The following EPRS1 variants were observed in gnomAD, a reference collection of about 807,000 sequenced individuals.
EPRS1 encodes the protein glutamyl-prolyl-tRNA synthetase 1, also known as bifunctional glutamate/proline--tRNA ligase.
A neutral mutation model predicts 188.3 loss-of-function variants in EPRS1; 107 were observed. The observed-to-expected ratio is 0.57, with a 90% CI of 0.49 to 0.67. The LOEUF (loss-of-function observed/expected upper bound fraction) is 0.67. Ranked by LOEUF, EPRS1 falls within the 30% of genes least tolerant of loss-of-function variation. The pLI is 0.00. For missense variants in EPRS1, 1,577 were observed against 1,802.2 expected, an observed-to-expected ratio of 0.88 and a Z score of 2.26; for synonymous variants, 596 against 593.1, an observed-to-expected ratio of 1.00 and a Z score of -0.07.
chr1:220,010,039 T>G (rs1013682772), intron 13 of EPRS1, among the ~76,000 whole-genome samples: 11 of 135,714 alleles, frequency 8.1e-5, no homozygotes, highest in African/African-American at 3.1e-4. Context: ...GAAGTTGCAG[T>G]GAGCCAGAAT....
chr1:219,992,908 G>A (rs1661151853), intron 18 of EPRS1, among the ~76,000 whole-genome samples: 1 of 152,184 alleles, frequency 6.6e-6, no homozygotes, highest in East Asian at 1.9e-4. Flanking sequence ...GACAGAGCAA[G>A]ACTCCGTCTC....
intron 12 of EPRS1, among the ~76,000 whole-genome samples, chr1:220,012,154 C>G (rs1661617669): frequency 1.3e-5 from 2 of 152,072 alleles, no homozygotes; most frequent in African/African-American, 4.8e-5. Flanking sequence ...ATCTGCTAAT[C>G]CTCATCTGCT....
intron 18 of EPRS1, among the ~76,000 whole-genome samples, chr1:219,994,640 CTTTTTTTTTTTTTTTTTT>C (rs71169424): frequency 9.1e-6 from 1 of 109,500 alleles, no homozygotes; most frequent in African/African-American, 3.6e-5. Flanking sequence ...GTAACTTCTT[CTTTTTTTTTTTTTTTTTT>C]TTTTTTTTTT....
intron 13 of EPRS1, among the ~76,000 whole-genome samples, chr1:220,007,866 T>A (rs1661522130): frequency 1.3e-5 from 2 of 152,156 alleles, no homozygotes; most frequent in African/African-American, 4.8e-5. Flanking sequence ...ACGCCTGTAA[T>A]CCCAGCTGAG....
chr1:220,013,346 C>T (rs1403647033), intron 12 of EPRS1, among the ~76,000 whole-genome samples: 2 of 152,152 alleles, frequency 1.3e-5, no homozygotes, highest in Non-Finnish European at 2.9e-5. Flanking sequence ...ACAAGGATCA[C>T]GGTATTGTCG....
intron 20 of EPRS1, among the ~76,000 whole-genome samples, chr1:219,985,449 C>A (rs1016877340): frequency 1.3e-5 from 2 of 152,038 alleles, no homozygotes; most frequent in Non-Finnish European, 2.9e-5. Flanking sequence ...CTGGAGTGCA[C>A]TGGTGCAATC....
Position 220,031,709 on chromosome 1 carries a change from T to C in EPRS1, c.528+678A>G, listed in dbSNP as rs542094606. On this transcript the variant is annotated intron_variant, in intron 5 of 31. Transcript: ENST00000366923. Reference sequence around the variant, plus strand: ...TGGTAGAGAAAAGGAGCTTTTGTACTGTACACTATGTCACATTTTCCTACA... The same window carrying C: ...TGGTAGAGAAAAGGAGCTTTTGTACCGTACACTATGTCACATTTTCCTACA... 8.8e-4 allele frequency among the ~76,000 whole-genome samples: 134 copies of C among 152,336 alleles called. 1 individual carries two copies. The highest frequency in any genetic ancestry group is 3.1e-3 in the African/African-American group (127 of 41,582).
Position 220,007,285 on chromosome 1 carries a change from T to C in EPRS1, c.1659A>G (p.Glu553=). The C allele has an allele frequency of 1.2e-6, 2 of 1,613,918 alleles. No homozygotes were observed. Among genetic ancestry groups the C allele is most frequent in the Non-Finnish European group, 1.7e-6 (2 of 1,179,812 alleles). ...PVWYSPKVFI[E]GADAETFSEG... ...CCGAAAAAGTCTCTGCATCAGCACCTTCAATGAAAACTTTGGGACTATACC... is the reference window on the plus strand; with the variant it reads ...CCGAAAAAGTCTCTGCATCAGCACCCTCAATGAAAACTTTGGGACTATACC... Residue 553 remains glutamate, a synonymous_variant, in exon 14 of 32, where the codon GAA becomes GAG. Coordinates refer to ENST00000366923, the MANE Select transcript of EPRS1 (RefSeq NM_004446.3).
chr1:219,977,136 CTAAAA>C (rs1026742887), intron 28 of EPRS1, among the ~76,000 whole-genome samples: 18 of 152,074 alleles, frequency 1.2e-4, no homozygotes, highest in Non-Finnish European at 1.6e-4. Flanking sequence ...TCCAGATCTC[CTAAAA>C]TATTTTTTCT....
chr1:220,046,036 G>T (rs1429793379), intron 1 of EPRS1, among the ~76,000 whole-genome samples: 2 of 152,200 alleles, frequency 1.3e-5, no homozygotes, highest in Admixed American at 6.5e-5. Context: ...AAAGGGAGAG[G>T]TGAGTTGACT....
intron 14 of EPRS1, 109 bp downstream of exon 14, chr1:220,007,093 T>C: frequency 2.2e-6 from 2 of 923,732 alleles, no homozygotes; most frequent in Non-Finnish European, 3.1e-6. Flanking sequence ...CTGGGCAGAT[T>C]TACTAGTCAG....
chr1:220,045,764 C>T (rs773052407), intron 1 of EPRS1, among the ~76,000 whole-genome samples: 1 of 152,166 alleles, frequency 6.6e-6, no homozygotes, highest in Non-Finnish European at 1.5e-5. Flanking sequence ...AATTACCCTA[C>T]CACATTTAAT....
At chr1:220,031,108 T>C (rs1033986811) in intron 5 of EPRS1, among the ~76,000 whole-genome samples, 1 of 139,952 alleles carries the variant, frequency 7.1e-6, no homozygotes, top group Non-Finnish European at 1.5e-5. Context: ...AAAAAAAAAG[T>C]ATATGGGGTA....
At chr1:220,024,114 T>G (rs1212232881) in intron 8 of EPRS1, 150 bp downstream of exon 8, 2 of 556,820 alleles carry the variant, frequency 3.6e-6, no homozygotes, top group Non-Finnish European at 6.1e-6. Context: ...ATCGCGCCAT[T>G]GTACTCCAGC....
chr1:220,032,743 A>G (rs534906973), intron 4 of EPRS1, among the ~76,000 whole-genome samples: 1 of 152,272 alleles, frequency 6.6e-6, no homozygotes, highest in Admixed American at 6.5e-5. Context: ...ACTGAAGACG[A>G]AAAATATGCA....
chr1:220,038,849 C>T (rs1242718425), intron 2 of EPRS1, among the ~76,000 whole-genome samples: 2 of 152,076 alleles, frequency 1.3e-5, no homozygotes, highest in Non-Finnish European at 2.9e-5. Flanking sequence ...TCTTATTACA[C>T]GTGTAAAGTC....
intron 17 of EPRS1, among the ~76,000 whole-genome samples, chr1:219,999,784 G>A (rs958359376): frequency 4.0e-4 from 61 of 152,212 alleles, no homozygotes; most frequent in Middle Eastern, 3.4e-3. Flanking sequence ...GACCAGTCTG[G>A]CCAACATGGC....
chr1:219,999,234 T>C (rs147553043), intron 17 of EPRS1, among the ~76,000 whole-genome samples: 36 of 152,300 alleles, frequency 2.4e-4, no homozygotes, highest in African/African-American at 7.5e-4. Context: ...AGCATTATTA[T>C]CCTTCAGGTT....
intron 16 of EPRS1, among the ~76,000 whole-genome samples, chr1:220,003,838 C>T (rs772697530): frequency 3.2e-4 from 49 of 152,022 alleles, no homozygotes; most frequent in Non-Finnish European, 6.2e-4. Flanking sequence ...ACTCATATGA[C>T]GAAAAAGCCA....
Sources: allele counts gnomAD v4.1 joint callset (sites outside exome capture counted in the v4.1 genomes callset), GRCh38; gene constraint gnomAD v4.1.1; transcripts MANE v1.5; gene names NCBI Gene and HGNC (gene_info 2026-07-23, HGNC 2026-07-21).